Variants in RTL4 observed in about 807,000 individuals in gnomAD.
RTL4 encodes retrotransposon Gag like 4.
Under a neutral mutation model 5.3 loss-of-function variants are expected in RTL4, and 4 were observed. That is an observed-to-expected ratio of 0.75 (90% CI 0.37 to 1.72). The LOEUF is 1.72. Ranked by LOEUF, RTL4 falls within the 40% of genes most tolerant of loss-of-function variation. The pLI is 0.04. For missense variants in RTL4, 260 were observed against 227.1 expected (o/e 1.14, Z -0.93); for synonymous variants, 98 against 87.3 (o/e 1.12, Z -0.68).
the RTL4 span, among the ~76,000 whole-genome samples, chrX:112,394,719 A>G: frequency 1.8e-5 from 2 of 112,016 alleles, no homozygotes; most frequent in East Asian, 5.6e-4. Context: ...TTTCATTTGC[A>G]CGCACTTTTA....
At chrX:112,435,936 G>GA in the RTL4 span, among the ~76,000 whole-genome samples, 103 of 111,640 alleles carry the variant, frequency 9.2e-4, 1 homozygote, top group African/African-American at 3.3e-3. Context: ...GCCATACTAG[G>GA]CCCAGCGCGG....
chrX:112,237,428 C>G, the RTL4 span, among the ~76,000 whole-genome samples: 1 of 112,053 alleles, frequency 8.9e-6, no homozygotes, highest in Admixed American at 9.5e-5. Context: ...AGAGAAGTGA[C>G]CTTCAGCTTG....
chrX:112,331,935 A>T, the RTL4 span, among the ~76,000 whole-genome samples: 2 of 96,457 alleles, frequency 2.1e-5, no homozygotes, highest in African/African-American at 8.0e-5. Flanking sequence ...ACATATTCTC[A>T]CTCATAGGTG....
At chrX:112,162,762 A>G in the RTL4 span, among the ~76,000 whole-genome samples, 3 of 111,576 alleles carry the variant, frequency 2.7e-5, no homozygotes, top group Non-Finnish European at 3.8e-5. Flanking sequence ...TCCCCTAAGT[A>G]TAGTTTATTC....
chrX:112,382,068 G>C, the RTL4 span: 1 of 1,210,105 alleles, frequency 8.3e-7, no homozygotes, highest in Non-Finnish European at 1.1e-6. Flanking sequence ...TTAGAAAACA[G>C]GAAGCAGCAG....
At chrX:112,097,467 C>T in the RTL4 span, among the ~76,000 whole-genome samples, 1 of 110,438 alleles carries the variant, frequency 9.1e-6, no homozygotes, top group Non-Finnish European at 1.9e-5. Flanking sequence ...AAAGCCTCAC[C>T]TCTACAAAAA....
chrX:112,409,824 C>T, the RTL4 span, among the ~76,000 whole-genome samples: 1 of 109,304 alleles, frequency 9.1e-6, no homozygotes. Context: ...AAGAGAAGAC[C>T]CAAACCACAG....
At chrX:112,448,489 C>A in the RTL4 span, among the ~76,000 whole-genome samples, 25,267 of 110,691 alleles carry the variant, frequency 0.23, 2,146 homozygotes, top group East Asian at 0.36. Context: ...TTCTCACCTG[C>A]TTTTTAGCTG....
the RTL4 span, among the ~76,000 whole-genome samples, chrX:112,250,185 G>A: frequency 1.0e-4 from 11 of 109,807 alleles, no homozygotes; most frequent in South Asian, 4.0e-4. Context: ...AAGCTGAGGC[G>A]GGAGAATGGC....
chrX:112,297,534 G>A, the RTL4 span, among the ~76,000 whole-genome samples: 2 of 111,091 alleles, frequency 1.8e-5, no homozygotes, highest in African/African-American at 6.6e-5. Flanking sequence ...TGGTGATGGT[G>A]CTGAACCACG....
At chrX:112,143,717 G>C in the RTL4 span, among the ~76,000 whole-genome samples, 1 of 111,628 alleles carries the variant, frequency 9.0e-6, no homozygotes. Context: ...TCACCTAAAA[G>C]CCTTATTAAT....
At chrX:112,336,815 G>A in the RTL4 span, among the ~76,000 whole-genome samples, 3 of 111,804 alleles carry the variant, frequency 2.7e-5, no homozygotes, top group African/African-American at 9.7e-5. Flanking sequence ...GAGCAAAACA[G>A]CAAATATTTT....
chrX:112,397,596 C>T, the RTL4 span, among the ~76,000 whole-genome samples: 1 of 112,127 alleles, frequency 8.9e-6, no homozygotes, highest in Non-Finnish European at 1.9e-5. Flanking sequence ...AGAAAACAGA[C>T]ATCTTAAGTG....
chrX:112,109,496 T>A, the RTL4 span, among the ~76,000 whole-genome samples: 1 of 111,638 alleles, frequency 9.0e-6, no homozygotes, highest in African/African-American at 3.3e-5. Context: ...TGGTCCATTT[T>A]AAGAGAGTGC....
the RTL4 span, among the ~76,000 whole-genome samples, chrX:112,260,039 C>T: frequency 9.9e-5 from 11 of 111,649 alleles, no homozygotes; most frequent in Non-Finnish European, 1.7e-4. Context: ...TTGGTCCTGA[C>T]GAGGCCAATC....
the RTL4 span, among the ~76,000 whole-genome samples, chrX:112,190,263 ATGTT>A: frequency 9.5e-6 from 1 of 105,356 alleles, no homozygotes; most frequent in East Asian, 3.0e-4. Context: ...TTCTCAGTAA[ATGTT>A]TATTTATTAA....
the RTL4 span, among the ~76,000 whole-genome samples, chrX:112,154,301 T>C: frequency 8.9e-6 from 1 of 112,133 alleles, no homozygotes; most frequent in Non-Finnish European, 1.9e-5. Context: ...AAGTAGTTGA[T>C]TTAAATTTTT....
the RTL4 span, among the ~76,000 whole-genome samples, chrX:112,159,154 T>G: frequency 8.9e-6 from 1 of 112,610 alleles, no homozygotes; most frequent in African/African-American, 3.2e-5. Context: ...TTCTGCCCAT[T>G]TCTCCATTAG....
the RTL4 span, among the ~76,000 whole-genome samples, chrX:112,374,946 A>G: frequency 1.5e-4 from 17 of 112,093 alleles, no homozygotes; most frequent in East Asian, 4.2e-3. Context: ...GCAACAAGGG[A>G]TAGTGTTGTC....
Sources: allele counts gnomAD v4.1 joint callset (sites outside exome capture counted in the v4.1 genomes callset), GRCh38; gene constraint gnomAD v4.1.1; transcripts MANE v1.5; gene names NCBI Gene and HGNC (gene_info 2026-07-23, HGNC 2026-07-21).